The following MAX variants were observed in gnomAD, a reference collection of about 807,000 sequenced individuals.
MAX encodes the protein protein max.
MAX carries 3 observed loss-of-function variants against 22.3 expected under a neutral mutation model. The observed-to-expected ratio is 0.13, with a 90% CI of 0.06 to 0.35. MAX has a LOEUF of 0.35. Among genes scored for constraint, MAX ranks in the 10% least tolerant of loss-of-function variants. The pLI is 1.00. For missense variants in MAX, 119 were observed against 209.4 expected (o/e 0.57, Z 2.66); for synonymous variants, 72 against 77.7 (o/e 0.93, Z 0.39).
At position 65,026,462 on chromosome 14, in the gene MAX, G is replaced by A. The variant is rs139609533; in HGVS notation, c.172-20178C>T. Among the ~76,000 whole-genome samples, 341 of 152,252 alleles carry A rather than the reference G, an allele frequency of 2.2e-3. 2 individuals are homozygous for A. Among genetic ancestry groups the A allele is most frequent in the African/African-American group, 7.8e-3 (325 of 41,540 alleles). ...CCCGCAGACTGGGAGGCATTCTCACGGCGAGTCAGTGCAGCTCCTCTTATG... is the reference window on the plus strand; with the variant it reads ...CCCGCAGACTGGGAGGCATTCTCACAGCGAGTCAGTGCAGCTCCTCTTATG... On this transcript the variant is annotated intron_variant, in intron 3 of 3. Transcript: ENST00000341653.
At chr14:65,101,970 C>T (rs1454157429) in intron 1 of MAX, among the ~76,000 whole-genome samples, 1 of 152,186 alleles carries the variant, frequency 6.6e-6, no homozygotes, top group East Asian at 1.9e-4. Flanking sequence ...TCCCCTGGAT[C>T]CGGACAATGG....
At chr14:65,100,169 C>T (rs754617849) in intron 2 of MAX, among the ~76,000 whole-genome samples, 84 of 152,056 alleles carry the variant, frequency 5.5e-4, no homozygotes, top group Admixed American at 1.3e-3. Flanking sequence ...ATAGGAAGAT[C>T]GGCTGGGCGT....
chr14:65,034,813 T>A (rs1021052567), intron 3 of MAX, among the ~76,000 whole-genome samples: 10 of 152,238 alleles, frequency 6.6e-5, no homozygotes, highest in African/African-American at 2.4e-5. Flanking sequence ...GTCAGCTCCA[T>A]GAGTCTTCCT....
At chr14:65,052,006 G>A (rs913448601) in intron 3 of MAX, among the ~76,000 whole-genome samples, 90 of 151,698 alleles carry the variant, frequency 5.9e-4, no homozygotes, top group African/African-American at 1.1e-3. Flanking sequence ...CGTGTTAGCC[G>A]GGATGGTCTC....
At chr14:65,035,730 G>A (rs1301423241) in intron 3 of MAX, among the ~76,000 whole-genome samples, 1 of 151,912 alleles carries the variant, frequency 6.6e-6, no homozygotes, top group Non-Finnish European at 1.5e-5. Flanking sequence ...GATGGGATCT[G>A]TCTGTGTTGT....
chr14:65,079,651 C>A lies in MAX; in HGVS notation c.172-1615G>T, dbSNP rs955740056. Among the ~76,000 whole-genome samples, 1 of 152,168 alleles carries A rather than the reference C, an allele frequency of 6.6e-6. No homozygotes were observed. The highest frequency in any genetic ancestry group is 1.5e-5 in the Non-Finnish European group (1 of 68,042). On this transcript the variant is annotated intron_variant, in intron 3 of 4. Transcript: ENST00000358664. The surrounding 1 kb of genome is among the most constrained non-coding windows in gnomAD (Gnocchi z 4.5). ...GTGCTTGACAATTCTGTATTACAAG[C>A]CCAATGGGTCCTAAACAACCAGAAC...
At position 65,029,138 on chromosome 14, in the gene MAX, G is replaced by A. The variant is rs1333447387; in HGVS notation, c.172-22854C>T. 6.6e-6 allele frequency among the ~76,000 whole-genome samples: 1 copy of A among 152,062 alleles called. No homozygotes were observed. ...ATTCTTCCCTGACCTTTGCTCTTTG[G>A]GTGATGCTCTGCCATTCGTGCCCGT... On this transcript the variant is annotated intron_variant, in intron 3 of 3. Coordinates refer to the MAX transcript ENST00000341653. This position sits in a 1 kb window ranked among gnomAD's most constrained non-coding sequence, Gnocchi z 4.7.
chr14:65,061,130 T>G (rs1174751065), intron 3 of MAX: 1 of 1,602,616 alleles, frequency 6.2e-7, no homozygotes, highest in East Asian at 2.2e-5. Context: ...ATGTGTTATG[T>G]TTTCAAGGAC....
chr14:65,080,460 T>C (rs2063173008), intron 3 of MAX, among the ~76,000 whole-genome samples: 1 of 152,190 alleles, frequency 6.6e-6, no homozygotes, highest in African/African-American at 2.4e-5. Context: ...CTCTGGATAC[T>C]GGAGATGGAA....
At position 65,044,489 on chromosome 14, in the gene MAX, A is replaced by C. The variant is rs200008673; in HGVS notation, c.172-38205T>G. Reference sequence around the variant, plus strand: ...ACTTGGGGCTGGATGATTTCCCTCCACTACTCACAAAGTCTGGAAGCCCAG... The same window carrying C: ...ACTTGGGGCTGGATGATTTCCCTCCCCTACTCACAAAGTCTGGAAGCCCAG... On this transcript the variant is annotated intron_variant, in intron 3 of 3. Coordinates refer to the MAX transcript ENST00000341653. The surrounding 1 kb of genome is among the most constrained non-coding windows in gnomAD (Gnocchi z 5.5). 28 of 1,572,360 alleles carry C rather than the reference A, an allele frequency of 1.8e-5. No individual in the cohort carries two copies. The African/African-American group carries it at 3.2e-4, about 18-fold the overall frequency.
rs766038473 is a variant in MAX, at chr14:65,015,550, A to T, written c.172-9266T>A. The T allele has an allele frequency of 4.6e-6, 7 of 1,530,610 alleles. No homozygotes were observed. In the South Asian group the frequency reaches 5.7e-5, roughly 12 times the overall value. 94.8% of individuals were successfully genotyped at this position (1,530,610 alleles called of 1,614,324 possible). ...CCCTTGCCAGGCTGCTGGGAGTGAG[A>T]CAGATACAGCCTTGGCAGCAGTGTC... is the stretch of plus-strand genomic sequence containing the variant. On this transcript the variant is annotated intron_variant, in intron 3 of 3. Transcript: ENST00000341653.
At chr14:65,015,744 T>G (rs777780475) in intron 3 of MAX, 219 of 1,605,198 alleles carry the variant, frequency 1.4e-4, no homozygotes, top group Non-Finnish European at 1.3e-4. Flanking sequence ...AAATCTGGGG[T>G]GTTCTCTGAA....
chr14:65,022,420 C>CA (rs1368868623), intron 3 of MAX, among the ~76,000 whole-genome samples: 1 of 151,966 alleles, frequency 6.6e-6, no homozygotes, highest in Admixed American at 6.6e-5. Context: ...CTTCTTGCTA[C>CA]AAATTAGTCT....
rs1354024278 is a variant in MAX, at chr14:65,037,519, C to T, written c.172-31235G>A. ...ACACGATCATGGTTCACTGTTGCCT[C>T]GACTTTCCAGGCTCAAGTGATCATC... On this transcript the variant is annotated intron_variant, in intron 3 of 3. Transcript: ENST00000341653. Among the ~76,000 whole-genome samples, 10 of 135,124 alleles carry T rather than the reference C, an allele frequency of 7.4e-5. No individual in the cohort carries two copies. In the East Asian group the frequency reaches 1.2e-3, roughly 16 times the overall value. The allele number at this position is 135,124 out of a possible 152,430, so 88.6% of individuals were successfully genotyped here. A position where few individuals can be genotyped will look rare whatever the true frequency, so the allele number is the denominator to read the frequency against.
chr14:65,021,525 T>C (rs1312492882), intron 3 of MAX, among the ~76,000 whole-genome samples: 1 of 152,094 alleles, frequency 6.6e-6, no homozygotes. Flanking sequence ...CCTGGCCAGG[T>C]GCTGTTGGCA....
chr14:65,035,071 C>T (rs939676680), intron 3 of MAX, among the ~76,000 whole-genome samples: 3 of 152,224 alleles, frequency 2.0e-5, no homozygotes, highest in African/African-American at 7.2e-5. Context: ...AGTTTAAATG[C>T]AGAATTTGGG....
At chr14:65,098,034 C>G (rs2063719113) in intron 2 of MAX, among the ~76,000 whole-genome samples, 1 of 152,202 alleles carries the variant, frequency 6.6e-6, no homozygotes, top group African/African-American at 2.4e-5. Flanking sequence ...ATAGCCATTT[C>G]AGAGAAGGAT....
rs1303740111 is a variant in MAX, at chr14:65,023,357, GAATC to G, written c.172-17077_172-17074del. Among the ~76,000 whole-genome samples the G allele has an allele frequency of 6.6e-6, 1 of 152,158 alleles. No individual in the cohort carries two copies. Among genetic ancestry groups the G allele is most frequent in the Non-Finnish European group, 1.5e-5 (1 of 68,024 alleles). On this transcript the variant is annotated intron_variant, in intron 3 of 3. Coordinates refer to the MAX transcript ENST00000341653. The surrounding 1 kb of genome is among the most constrained non-coding windows in gnomAD (Gnocchi z 4.1). The stretch of plus-strand genomic sequence containing the variant: ...AGGCATGAGCCACCACGCCTGGCCA[GAATC>G]AATCACTTTAGATCAGTCCTCAGCC...
chr14:65,053,325 G>T, intron 3 of MAX: 1 of 1,439,600 alleles, frequency 6.9e-7, no homozygotes, highest in Non-Finnish European at 9.2e-7. Flanking sequence ...TGCCCTGCGG[G>T]GGGGCTTCTG....
Sources: gnomAD v4.1 joint callset for allele counts (sites outside exome capture counted in the v4.1 genomes callset) on GRCh38, gnomAD v4.1.1 for gene constraint, Gnocchi (gnomAD v3.1) non-coding constraint, MANE v1.5 for transcripts, NCBI Gene and HGNC (gene_info 2026-07-23, HGNC 2026-07-21) for gene names.